CNTNAP2: variants seen among roughly 807,000 people sequenced by gnomAD.
CNTNAP2 encodes the protein contactin associated protein 2, also known as contactin-associated protein-like 2.
In CNTNAP2, 98 loss-of-function variants were observed where a neutral mutation model predicts 155.2. The observed-to-expected ratio is 0.63, with a 90% CI of 0.54 to 0.75. The LOEUF (loss-of-function observed/expected upper bound fraction) is 0.75, where lower values mean the gene tolerates loss of function less well. Ranked by LOEUF, CNTNAP2 falls within the 30% of genes least tolerant of loss-of-function variation. The pLI, the probability that CNTNAP2 is intolerant of heterozygous loss-of-function variation, is 0.00. For missense variants in CNTNAP2, 1,727 were observed against 1,688.1 expected (o/e 1.02, Z -0.40); for synonymous variants, 651 against 631.2 (o/e 1.03, Z -0.47).
In CNTNAP2 at chr7:146,563,596, C is replaced by T. The variant is rs924433704; in HGVS notation, c.98-210675C>T. Among the ~76,000 whole-genome samples, 5 of 152,136 alleles carry T rather than the reference C, an allele frequency of 3.3e-5. No homozygotes were observed. The East Asian group carries it at 9.7e-4, about 29-fold the overall frequency. On this transcript the variant is annotated intron_variant, in intron 1 of 23. Transcript: ENST00000361727. Reference sequence around the variant, plus strand: ...TTAGTAGTCTTGGTTTTCCTGGAGTCCTAATATAGTATAGTACAGCCAGAG... The same window carrying T: ...TTAGTAGTCTTGGTTTTCCTGGAGTTCTAATATAGTATAGTACAGCCAGAG...
intron 1 of CNTNAP2, among the ~76,000 whole-genome samples, chr7:146,721,636 A>G (rs1246011734): frequency 8.3e-6 from 1 of 120,490 alleles, no homozygotes; most frequent in Non-Finnish European, 1.6e-5. Flanking sequence ...TACATTCTAT[A>G]TATATTCTAT....
chr7:147,399,816 A>G (rs1405265232), intron 10 of CNTNAP2, among the ~76,000 whole-genome samples: 1 of 152,144 alleles, frequency 6.6e-6, no homozygotes, highest in Non-Finnish European at 1.5e-5. Flanking sequence ...TTTTATAAGC[A>G]ATCATAGAAC....
At position 146,280,436 on chromosome 7, in the gene CNTNAP2, CTCT is replaced by C. The variant is rs1483525715; in HGVS notation, c.97+163470_97+163472del. On this transcript the variant is annotated intron_variant, in intron 1 of 23. Coordinates refer to ENST00000361727, the MANE Select transcript of CNTNAP2 (RefSeq NM_014141.6). ...TCTCAAGGAATTAATTCCTATCTCA[CTCT>C]TCTTCTGTCATCAATACTTGCCTTT... is the stretch of plus-strand genomic sequence containing the variant. Among the ~76,000 whole-genome samples, 3 of 152,102 alleles carry C rather than the reference CTCT, an allele frequency of 2.0e-5. No individual in the cohort carries two copies. The East Asian group carries it at 5.8e-4, about 29-fold the overall frequency.
intron 1 of CNTNAP2, among the ~76,000 whole-genome samples, chr7:146,516,363 A>G (rs1217618836): frequency 2.6e-5 from 4 of 152,024 alleles, no homozygotes; most frequent in African/African-American, 9.7e-5. Context: ...TAACTCTAGA[A>G]ATTGGCAGCT....
At chr7:147,337,056 A>C (rs564902939) in intron 9 of CNTNAP2, among the ~76,000 whole-genome samples, 54 of 152,192 alleles carry the variant, frequency 3.5e-4, no homozygotes, top group Non-Finnish European at 5.9e-4. Context: ...GTAAGAAAAT[A>C]TTAAAACTTT....
chr7:146,311,594 G>A (rs1389962166), intron 1 of CNTNAP2: 2 of 51,184 alleles, frequency 3.9e-5, no homozygotes, highest in African/African-American at 1.8e-4. Context: ...AACAAAGCAA[G>A]ACCTTGTCTT....
At chr7:147,341,231 C>T (rs547385882) in intron 9 of CNTNAP2, among the ~76,000 whole-genome samples, 77 of 151,738 alleles carry the variant, frequency 5.1e-4, no homozygotes, top group Non-Finnish European at 9.7e-4. Context: ...AAGTGAGAGT[C>T]GAACAATGAG....
intron 14 of CNTNAP2, among the ~76,000 whole-genome samples, chr7:147,952,280 T>G (rs1800947451): frequency 1.6e-5 from 1 of 64,028 alleles, no homozygotes; most frequent in Non-Finnish European, 3.9e-5. Flanking sequence ...CCATCTCTAC[T>G]AAAAATACAA....
At chr7:147,374,401 TA>T (rs1796399951) in intron 9 of CNTNAP2, among the ~76,000 whole-genome samples, 1 of 152,118 alleles carries the variant, frequency 6.6e-6, no homozygotes, top group Non-Finnish European at 1.5e-5. Flanking sequence ...AACCACAATT[TA>T]AACATTCATC....
intron 1 of CNTNAP2, among the ~76,000 whole-genome samples, chr7:146,618,927 G>A (rs368265716): frequency 4.6e-4 from 70 of 151,942 alleles, no homozygotes; most frequent in East Asian, 2.5e-3. Context: ...AAAATTAGCC[G>A]GGCGTGGTGG....
chr7:146,525,543 T>TCTAA, intron 1 of CNTNAP2, among the ~76,000 whole-genome samples: 1 of 142,756 alleles, frequency 7.0e-6, no homozygotes, highest in Admixed American at 6.8e-5. Context: ...TATCTATCTA[T>TCTAA]CTATCTATCT....
intron 13 of CNTNAP2, among the ~76,000 whole-genome samples, chr7:147,715,874 A>G (rs566255550): frequency 3.9e-4 from 59 of 152,276 alleles, no homozygotes; most frequent in African/African-American, 1.4e-3. Context: ...ATTTTTGTAT[A>G]AGGTGCAAGG....
At chr7:148,333,818 A>G (rs942065685) in intron 21 of CNTNAP2, among the ~76,000 whole-genome samples, 2 of 151,324 alleles carry the variant, frequency 1.3e-5, no homozygotes, top group African/African-American at 4.9e-5. Context: ...TGTTTATCCG[A>G]CTTCCCAGGC....
chr7:146,214,855 C>T (rs1013972403), intron 1 of CNTNAP2, among the ~76,000 whole-genome samples: 1 of 152,058 alleles, frequency 6.6e-6, no homozygotes, highest in Non-Finnish European at 1.5e-5. Flanking sequence ...CTGCTTTACT[C>T]AAATGGATTT....
chr7:146,683,771 A>G (rs1370504218), intron 1 of CNTNAP2, among the ~76,000 whole-genome samples: 1 of 152,220 alleles, frequency 6.6e-6, no homozygotes, highest in African/African-American at 2.4e-5. Context: ...CATGTGGCAT[A>G]TAAGTGATGT....
At chr7:146,831,193 G>A (rs1010319025) in intron 2 of CNTNAP2, among the ~76,000 whole-genome samples, 7 of 151,988 alleles carry the variant, frequency 4.6e-5, no homozygotes, top group Admixed American at 2.6e-4. Flanking sequence ...CTTTAAAGAG[G>A]ATCTCTCTTG....
intron 10 of CNTNAP2, among the ~76,000 whole-genome samples, chr7:147,481,032 T>A (rs1002495071): frequency 2.6e-5 from 4 of 152,190 alleles, no homozygotes; most frequent in African/African-American, 4.8e-5. Context: ...TTCATTGCGC[T>A]TGGTACCACC....
intron 22 of CNTNAP2, among the ~76,000 whole-genome samples, chr7:148,390,497 G>T: frequency 6.6e-6 from 1 of 152,158 alleles, no homozygotes; most frequent in Non-Finnish European, 1.5e-5. Flanking sequence ...GAAGAGTAAG[G>T]AATCATATGG....
intron 21 of CNTNAP2, among the ~76,000 whole-genome samples, chr7:148,369,646 T>C (rs767245476): frequency 1.7e-5 from 2 of 118,646 alleles, no homozygotes; most frequent in South Asian, 4.7e-4. Context: ...TCTTTATCAT[T>C]ATTATTATTA....
Sources: gnomAD v4.1 joint callset for allele counts (sites outside exome capture counted in the v4.1 genomes callset) on GRCh38, gnomAD v4.1.1 for gene constraint, MANE v1.5 for transcripts, NCBI Gene and HGNC (gene_info 2026-07-23, HGNC 2026-07-21) for gene names.